SMYD3: variants seen among roughly 807,000 people sequenced by gnomAD.
SMYD3 encodes SET and MYND domain containing 3.
In SMYD3, 36 loss-of-function variants were observed where a neutral mutation model predicts 57.7. The ratio of observed to expected loss-of-function variants is 0.62; its 90% CI spans 0.48 to 0.82. The LOEUF is 0.82. SMYD3 is among the 40% of genes least tolerant of loss of function. The pLI, the probability that SMYD3 is intolerant of heterozygous loss-of-function variation, is 0.00. For missense variants in SMYD3, 515 were observed against 538.8 expected, an observed-to-expected ratio of 0.96 and a Z score of 0.44; for synonymous variants, 211 against 195.0, an observed-to-expected ratio of 1.08 and a Z score of -0.68.
intron 5 of SMYD3, among the ~76,000 whole-genome samples, chr1:246,294,405 T>C (rs941169878): frequency 2.6e-5 from 4 of 152,170 alleles, no homozygotes; most frequent in African/African-American, 4.8e-5. Flanking sequence ...CTGACTACCA[T>C]TGCCTGTAAG....
In SMYD3 at chr1:245,858,674, T is replaced by C. The variant is rs768798208; in HGVS notation, c.902-4A>G. The C allele has an allele frequency of 4.3e-6, 7 of 1,610,844 alleles. No individual in the cohort carries two copies. The highest frequency in any genetic ancestry group is 5.9e-6 in the Non-Finnish European group (7 of 1,179,006). On this transcript the variant is annotated splice_polypyrimidine_tract_variant and splice_region_variant and intron_variant, in intron 9 of 11. Transcript: ENST00000490107. ...ATGGCCAGAACCTGCTCCCACTCTG[T>C]TATTAACCTTAGTTAAGGATTCATT...
intron 10 of SMYD3, among the ~76,000 whole-genome samples, chr1:245,807,032 T>C (rs1286688620): frequency 1.3e-5 from 2 of 150,110 alleles, no homozygotes; most frequent in Non-Finnish European, 3.0e-5. Flanking sequence ...GCTGAAGGTG[T>C]CTTCTGGGAC....
intron 5 of SMYD3, among the ~76,000 whole-genome samples, chr1:246,293,607 C>T (rs545709496): frequency 1.3e-5 from 2 of 152,252 alleles, no homozygotes; most frequent in African/African-American, 2.4e-5. Context: ...GAAAAACCCA[C>T]GACAGTCTCA....
intron 5 of SMYD3, among the ~76,000 whole-genome samples, chr1:245,936,839 T>C (rs1274632181): frequency 2.0e-5 from 3 of 150,966 alleles, no homozygotes; most frequent in Non-Finnish European, 3.0e-5. Context: ...TGCACTCCAA[T>C]GACTGTCCCC....
intron 8 of SMYD3, among the ~76,000 whole-genome samples, chr1:245,885,443 G>A (rs1008032906): frequency 6.6e-6 from 1 of 152,138 alleles, no homozygotes; most frequent in Non-Finnish European, 1.5e-5. Flanking sequence ...TCTGTGACTC[G>A]ATTTTACAGG....
chr1:246,174,562 T>G (rs1183772096), intron 5 of SMYD3, among the ~76,000 whole-genome samples: 1 of 152,202 alleles, frequency 6.6e-6, no homozygotes, highest in African/African-American at 2.4e-5. Context: ...TTCTCCTACC[T>G]CAGCCTCTTG....
At chr1:246,017,194 T>C (rs527572896) in intron 5 of SMYD3, among the ~76,000 whole-genome samples, 2 of 152,276 alleles carry the variant, frequency 1.3e-5, no homozygotes, top group South Asian at 4.1e-4. Flanking sequence ...AATCTTAAAC[T>C]TAGAGAACAG....
intron 5 of SMYD3, among the ~76,000 whole-genome samples, chr1:246,208,771 C>T (rs1159344296): frequency 1.3e-5 from 2 of 152,094 alleles, no homozygotes; most frequent in Non-Finnish European, 2.9e-5. Context: ...ATGCATTAGC[C>T]AAAACCAACT....
chr1:245,934,868 G>A (rs1008201360), intron 5 of SMYD3, among the ~76,000 whole-genome samples: 8 of 152,160 alleles, frequency 5.3e-5, no homozygotes, highest in African/African-American at 1.9e-4. Context: ...TAAGGTTGCG[G>A]GGACAAAGGC....
At chr1:246,301,992 G>A (rs186752229) in intron 5 of SMYD3, among the ~76,000 whole-genome samples, 96 of 152,034 alleles carry the variant, frequency 6.3e-4, no homozygotes, top group Non-Finnish European at 6.5e-4. Flanking sequence ...TGATTCCTTG[G>A]AACAGACTCC....
chr1:246,507,013 A>G, intron 1 of SMYD3, 41 bp downstream of exon 1: 1 of 1,329,872 alleles, frequency 7.5e-7, no homozygotes, highest in Non-Finnish European at 9.8e-7. Flanking sequence ...AGCACCCCAC[A>G]CAGCTCGCGA....
At chr1:246,165,210 C>T (rs1457905665) in intron 5 of SMYD3, among the ~76,000 whole-genome samples, 2 of 152,072 alleles carry the variant, frequency 1.3e-5, no homozygotes, top group African/African-American at 2.4e-5. Context: ...AGGACCTGAA[C>T]GCCAGACTAC....
intron 1 of SMYD3, among the ~76,000 whole-genome samples, chr1:246,457,544 A>AAAAAAAAAAG (rs2067719462): frequency 4.6e-5 from 4 of 87,244 alleles, no homozygotes; most frequent in Non-Finnish European, 9.9e-5. Flanking sequence ...AAAAAAAAAA[A>AAAAAAAAAAG]AAAAGAAAAG....
chr1:246,472,794 A>T (rs1035334469), intron 1 of SMYD3, among the ~76,000 whole-genome samples: 3 of 151,706 alleles, frequency 2.0e-5, no homozygotes, highest in African/African-American at 7.3e-5. Flanking sequence ...CCTGCTCCCC[A>T]AGGCAATCAT....
At chr1:246,425,806 T>C (rs1173693878) in intron 1 of SMYD3, among the ~76,000 whole-genome samples, 1 of 152,226 alleles carries the variant, frequency 6.6e-6, no homozygotes, top group Non-Finnish European at 1.5e-5. Context: ...TTTAATGCCA[T>C]CCTTCAGAAT....
intron 10 of SMYD3, among the ~76,000 whole-genome samples, chr1:245,823,976 A>T (rs2049322972): frequency 6.6e-6 from 1 of 152,210 alleles, no homozygotes; most frequent in African/African-American, 2.4e-5. Flanking sequence ...CCAGAATGAC[A>T]GCAGATGTCA....
intron 5 of SMYD3, among the ~76,000 whole-genome samples, chr1:245,969,083 G>T (rs1354448533): frequency 2.0e-5 from 3 of 152,134 alleles, no homozygotes; most frequent in African/African-American, 7.2e-5. Flanking sequence ...ATTTAAATGG[G>T]TCTCTATTTT....
intron 1 of SMYD3, among the ~76,000 whole-genome samples, chr1:246,363,165 G>A (rs1212086779): frequency 6.6e-6 from 1 of 151,790 alleles, no homozygotes; most frequent in African/African-American, 2.4e-5. Context: ...CGTCTGAGAA[G>A]TGAGGAGCCC....
chr1:246,262,000 CA>C (rs2064021883), intron 5 of SMYD3, among the ~76,000 whole-genome samples: 2 of 149,486 alleles, frequency 1.3e-5, no homozygotes, highest in Non-Finnish European at 3.0e-5. Flanking sequence ...CTTCTGTGGC[CA>C]AAGTTTCTCT....
Sources: gnomAD v4.1 joint callset for allele counts (sites outside exome capture counted in the v4.1 genomes callset) on GRCh38, gnomAD v4.1.1 for gene constraint, MANE v1.5 for transcripts, NCBI Gene and HGNC (gene_info 2026-07-23, HGNC 2026-07-21) for gene names.